SPG7: variants seen among roughly 807,000 people sequenced by gnomAD.
SPG7 encodes SPG7 matrix AAA peptidase subunit, paraplegin, also known as mitochondrial inner membrane m-AAA protease component paraplegin.
Under a neutral mutation model 81.9 loss-of-function variants are expected in SPG7, and 103 were observed. That is an observed-to-expected ratio of 1.26 (90% CI 1.07 to 1.48). SPG7 has a LOEUF of 1.48. SPG7 is among the 40% of genes most tolerant of loss of function. The pLI, the probability that SPG7 is intolerant of heterozygous loss-of-function variation, is 0.00. For synonymous variants in SPG7, 534 were observed against 444.2 expected (o/e 1.20, Z -2.54); for missense variants, 1,241 against 1,087.3 (o/e 1.14, Z -1.99).
intron 8 of SPG7, 87 bp downstream of exon 8, chr16:89,532,153 A>T (rs2058352399): frequency 4.9e-5 from 62 of 1,265,890 alleles, no homozygotes; most frequent in Middle Eastern, 2.7e-4. Context: ...CTGGACTGAA[A>T]GGGACACGGG....
intron 11 of SPG7, 172 bp downstream of exon 11, chr16:89,546,932 T>A: frequency 1.6e-6 from 1 of 637,832 alleles, no homozygotes; most frequent in Admixed American, 2.2e-5. Flanking sequence ...CAGCAGGAGG[T>A]CCAGACGGCA....
Position 89,530,716 on chromosome 16 carries a change from G to A in SPG7, c.895G>A (p.Asp299Asn). The A allele has an allele frequency of 1.2e-6, 2 of 1,614,198 alleles. No homozygotes were observed. The highest frequency in any genetic ancestry group is 1.7e-6 in the Non-Finnish European group (2 of 1,180,032). Residue 299 changes from aspartate to asparagine, a missense_variant, in exon 7 of 17, where the codon GAT (aspartate) becomes AAT (asparagine). Physicochemically the swap from Asp to Asn is conservative, Grantham distance 23. Transcript: ENST00000645818. The stretch of plus-strand genomic sequence containing the variant: ...TAAAATGGCTCGTTTCACCATTGTG[G>A]ATGGGAAGATGGGGAAAGGAGTCAG... ...QLKMARFTIV[D>N]GKMGKGVSFK...
In SPG7 at chr16:89,546,498, C is replaced by T. The variant is rs936115683; in HGVS notation, c.1450-160C>T. ...TTCGAGACCAGCCTAGCCAACTTTG[C>T]GAAACCCCGTCTCTACTAAAAATAC... On this transcript the variant is annotated intron_variant, in intron 10 of 16. Transcript: ENST00000645818. The T allele has an allele frequency of 5.4e-5, 36 of 672,528 alleles. No individual in the cohort carries two copies. In the Admixed American group the frequency reaches 5.9e-4, roughly 11 times the overall value. 41.7% of individuals were successfully genotyped at this position (672,528 alleles called of 1,614,324 possible). A position where few individuals can be genotyped will look rare whatever the true frequency, so the allele number is the denominator to read the frequency against.
intron 12 of SPG7, chr16:89,549,793 G>A (rs1256959812): frequency 6.1e-6 from 1 of 164,512 alleles, no homozygotes; most frequent in Non-Finnish European, 1.3e-5. Context: ...GGGAAAGTAA[G>A]CAGGAGGCCC....
At chr16:89,548,379 A>C in intron 12 of SPG7, 1 of 449,170 alleles carries the variant, frequency 2.2e-6, no homozygotes. Context: ...AAAAATAAAA[A>C]ATGCCCCCCA....
intron 3 of SPG7, among the ~76,000 whole-genome samples, chr16:89,515,712 A>AT (rs199694635): frequency 6.2e-4 from 91 of 145,932 alleles, no homozygotes; most frequent in African/African-American, 1.3e-3. Flanking sequence ...TATTATTATT[A>AT]TTATTTTTTT....
intron 2 of SPG7, among the ~76,000 whole-genome samples, chr16:89,511,785 TCTCTA>T (rs1181821487): frequency 6.6e-6 from 1 of 152,174 alleles, no homozygotes; most frequent in African/African-American, 2.4e-5. Context: ...CCAGGTGCAA[TCTCTA>T]CTCACTGCAG....
chr16:89,529,225 C>G (rs1030269582), intron 5 of SPG7: 8 of 563,466 alleles, frequency 1.4e-5, no homozygotes, highest in Non-Finnish European at 2.5e-5. Context: ...GTTATTGTCA[C>G]AAGGCTGGCT....
rs1470204137 is a variant in SPG7 at position 89,537,052 on chromosome 16, G to A, written c.1324+4416G>A. 3.1e-6 allele frequency: 5 copies of A among 1,592,024 alleles called. No individual in the cohort carries two copies. In the African/African-American group the frequency reaches 5.4e-5, roughly 17 times the overall value. On this transcript the variant is annotated intron_variant, in intron 9 of 16. Coordinates refer to ENST00000645818, the MANE Select transcript of SPG7 (RefSeq NM_003119.4). The stretch of plus-strand genomic sequence containing the variant: ...GCTCAGGCCTGGGAATCCGCTGACT[G>A]AAGGCCTCTTGTTGAGTGCCAGCTC...
intron 1 of SPG7, among the ~76,000 whole-genome samples, chr16:89,509,838 G>A (rs1312034628): frequency 2.0e-5 from 3 of 146,902 alleles, no homozygotes; most frequent in East Asian, 4.0e-4. Flanking sequence ...GCCCAGGCTG[G>A]AGTGCAGTGG....
chr16:89,544,837 T>C, intron 10 of SPG7, 65 bp downstream of exon 10: 2 of 1,583,938 alleles, frequency 1.3e-6, no homozygotes, highest in Non-Finnish European at 1.7e-6. Context: ...CTGAGTGGTC[T>C]GGCCTCTCCT....
At chr16:89,533,470 T>G (rs566248695) in intron 9 of SPG7, 4 of 152,192 alleles carry the variant, frequency 2.6e-5, no homozygotes, top group Admixed American at 6.5e-5. Flanking sequence ...CCCAGGCTTT[T>G]TTTTTCATTA....
At chr16:89,556,744 G>T in intron 16 of SPG7, 143 bp from the exon 17 acceptor site, 2 of 739,342 alleles carry the variant, frequency 2.7e-6, no homozygotes, top group Admixed American at 3.7e-5. Flanking sequence ...AGCTGCCTCC[G>T]TGCCTCCGCT....
intron 5 of SPG7, chr16:89,527,383 A>G (rs1156420084): frequency 6.6e-6 from 1 of 152,236 alleles, no homozygotes; most frequent in Non-Finnish European, 1.5e-5. Context: ...GAGTGTGCAG[A>G]TGCCGGAGAT....
intron 12 of SPG7, 50 bp downstream of exon 12, chr16:89,548,163 C>T: frequency 8.1e-7 from 1 of 1,231,516 alleles, no homozygotes; most frequent in Non-Finnish European, 1.2e-6. Context: ...GGGCTTGAAC[C>T]CCAGAAATAC....
At chr16:89,529,051 A>G in intron 5 of SPG7, 1 of 274,814 alleles carries the variant, frequency 3.6e-6, no homozygotes, top group Non-Finnish European at 7.2e-6. Flanking sequence ...TGACCTTGTG[A>G]TTCACCCGCC....
chr16:89,550,117 C>T (rs576712196), intron 12 of SPG7: 14 of 349,052 alleles, frequency 4.0e-5, no homozygotes, highest in Non-Finnish European at 7.9e-5. Flanking sequence ...CCACACGGGG[C>T]AGGAGCAGGG....
chr16:89,526,099 A>G (rs763515279), intron 4 of SPG7, among the ~76,000 whole-genome samples: 54 of 152,318 alleles, frequency 3.5e-4, no homozygotes, highest in Middle Eastern at 3.4e-3. Flanking sequence ...AGGTAGCCCC[A>G]TCGTAGGTCA....
chr16:89,512,052 C>T (rs1431985444), intron 2 of SPG7, among the ~76,000 whole-genome samples: 2 of 151,990 alleles, frequency 1.3e-5, no homozygotes, highest in Non-Finnish European at 2.9e-5. Flanking sequence ...GCTGGGATTA[C>T]AGGTGCCCGC....
Sources: allele counts gnomAD v4.1 joint callset (sites outside exome capture counted in the v4.1 genomes callset), GRCh38; gene constraint gnomAD v4.1.1; transcripts MANE v1.5; gene names NCBI Gene and HGNC (gene_info 2026-07-23, HGNC 2026-07-21).